Variants in ACYP2 observed in about 807,000 individuals in gnomAD.
ACYP2 encodes the protein acylphosphatase 2, also known as acylphosphatase-2.
ACYP2 carries 12 observed loss-of-function variants against 11.2 expected under a neutral mutation model. The ratio of observed to expected loss-of-function variants is 1.08; its 90% CI spans 0.69 to 1.74. ACYP2 has a LOEUF of 1.74. Among genes scored for constraint, ACYP2 ranks in the 40% most tolerant of loss-of-function variants. ACYP2 has a pLI of 0.00. For synonymous variants in ACYP2, 43 were observed against 32.2 expected (o/e 1.33, Z -1.13); for missense variants, 134 against 101.9 (o/e 1.31, Z -1.35).
At chr2:53,978,794 A>G (rs1391403874) in intron 2 of ACYP2, among the ~76,000 whole-genome samples, 6 of 152,200 alleles carry the variant, frequency 3.9e-5, no homozygotes, top group African/African-American at 1.2e-4. Flanking sequence ...ATGGTGGCAC[A>G]TTCCTGTGGT....
At chr2:53,997,874 G>T (rs975333439) in intron 2 of ACYP2, among the ~76,000 whole-genome samples, 1 of 152,152 alleles carries the variant, frequency 6.6e-6, no homozygotes, top group Admixed American at 6.5e-5. Flanking sequence ...TCACGGAAAT[G>T]AATGACCCTC....
At chr2:54,002,842 G>A (rs576520147) in intron 2 of ACYP2, among the ~76,000 whole-genome samples, 1 of 150,590 alleles carries the variant, frequency 6.6e-6, no homozygotes, top group Non-Finnish European at 1.5e-5. Flanking sequence ...GTAGAGACGG[G>A]GTTTCTCCAT....
At chr2:54,004,822 A>G (rs1336797340) in intron 2 of ACYP2, among the ~76,000 whole-genome samples, 2 of 146,576 alleles carry the variant, frequency 1.4e-5, no homozygotes, top group Non-Finnish European at 3.0e-5. Context: ...TTGAACCTGG[A>G]AGGCAGAGGT....
At chr2:54,296,565 C>T (rs565698412) in intron 6 of ACYP2, among the ~76,000 whole-genome samples, 1 of 152,162 alleles carries the variant, frequency 6.6e-6, no homozygotes, top group South Asian at 2.1e-4. Flanking sequence ...TTTTCCATTC[C>T]ATAAAAAAAT....
chr2:54,115,928 AGGACTT>A (rs1679759405), intron 4 of ACYP2, among the ~76,000 whole-genome samples, 172 bp downstream of exon 1: 1 of 150,330 alleles, frequency 6.7e-6, no homozygotes, highest in African/African-American at 2.5e-5. Flanking sequence ...CATGCGCCCG[AGGACTT>A]GGACGGGCGG....
intron 6 of ACYP2, among the ~76,000 whole-genome samples, chr2:54,264,666 A>G (rs1280610347): frequency 6.6e-6 from 1 of 152,214 alleles, no homozygotes; most frequent in African/African-American, 2.4e-5. Context: ...TTATACAGAA[A>G]CAAGTAGAAA....
chr2:54,246,616 T>C lies in ACYP2; in HGVS notation c.405-58072T>C, dbSNP rs573896603. Reference sequence around the variant, plus strand: ...TCTTGTTTACTTTTTCAATTGAATGTCATAGGGTTTTCTATATTCATCAGA... The same window carrying C: ...TCTTGTTTACTTTTTCAATTGAATGCCATAGGGTTTTCTATATTCATCAGA... On this transcript the variant is annotated intron_variant, in intron 6 of 6. Coordinates refer to ENST00000607452, the MANE Select transcript of ACYP2 (RefSeq NM_001320586.2). Among the ~76,000 whole-genome samples, 8 of 152,314 alleles carry C rather than the reference T, an allele frequency of 5.3e-5. No homozygotes were observed. The South Asian group carries it at 8.3e-4, about 16-fold the overall frequency.
intron 6 of ACYP2, among the ~76,000 whole-genome samples, chr2:54,296,158 G>A (rs888435022): frequency 6.6e-6 from 1 of 152,166 alleles, no homozygotes; most frequent in African/African-American, 2.4e-5. Flanking sequence ...AAATGTGATC[G>A]TTGACATCAT....
Position 54,304,876 on chromosome 2 carries a change from G to T in ACYP2, c.*74G>T. On this transcript the variant is annotated 3_prime_UTR_variant, in exon 7 of 7. Coordinates refer to ENST00000607452, the MANE Select transcript of ACYP2 (RefSeq NM_001320586.2). ...TAAGACTATGTATACTAGAATAATA[G>T]TAGCAGAGTAGGGTGAAAAGGAACT... The T allele has an allele frequency of 5.6e-6, 4 of 715,334 alleles. No homozygotes were observed. The highest frequency in any genetic ancestry group is 6.5e-6 in the Non-Finnish European group (3 of 464,936). The allele number at this position is 715,334 out of a possible 1,614,324, so 44.3% of individuals were successfully genotyped here.
intron 6 of ACYP2, among the ~76,000 whole-genome samples, chr2:54,209,206 C>G (rs1160018248): frequency 6.6e-6 from 1 of 152,002 alleles, no homozygotes; most frequent in Admixed American, 6.6e-5. Context: ...TTAAATAATG[C>G]ATTTTTAATA....
intron 4 of ACYP2, among the ~76,000 whole-genome samples, chr2:54,133,872 A>G (rs1012743392): frequency 1.3e-5 from 2 of 152,148 alleles, no homozygotes; most frequent in African/African-American, 4.8e-5. Context: ...ATTTGGTTCT[A>G]GACCACCCAA....
intron 2 of ACYP2, among the ~76,000 whole-genome samples, chr2:54,016,172 C>G (rs1159875538): frequency 6.6e-6 from 1 of 151,930 alleles, no homozygotes; most frequent in East Asian, 1.9e-4. Context: ...CTTTGTCTGT[C>G]TGCTCAGTTT....
At chr2:54,123,513 A>G in intron 4 of ACYP2, 1 of 398,254 alleles carries the variant, frequency 2.5e-6, no homozygotes. Context: ...AATATACAGT[A>G]GTTTTTAGTA....
chr2:54,159,942 C>G (rs1682633883), intron 6 of ACYP2, among the ~76,000 whole-genome samples: 1 of 152,190 alleles, frequency 6.6e-6, no homozygotes, highest in South Asian at 2.1e-4. Flanking sequence ...CCCACTCTTT[C>G]ATTCCCCACT....
chr2:54,028,920 A>G (rs1674437521), intron 2 of ACYP2, among the ~76,000 whole-genome samples: 1 of 152,188 alleles, frequency 6.6e-6, no homozygotes, highest in Non-Finnish European at 1.5e-5. Context: ...GAATTTTGAG[A>G]ACTGGTGGCT....
At chr2:54,264,488 A>G (rs1370409914) in intron 6 of ACYP2, among the ~76,000 whole-genome samples, 1 of 152,300 alleles carries the variant, frequency 6.6e-6, no homozygotes, top group South Asian at 2.1e-4. Context: ...GATCCTGCTC[A>G]GGGAGCTTAG....
At chr2:54,088,697 A>G (rs1027216977) in intron 4 of ACYP2, among the ~76,000 whole-genome samples, 2 of 152,364 alleles carry the variant, frequency 1.3e-5, no homozygotes, top group East Asian at 3.9e-4. Context: ...TATTCTAATT[A>G]TTGAATTGAG....
intron 6 of ACYP2, among the ~76,000 whole-genome samples, chr2:54,243,272 A>T (rs1686808075): frequency 6.6e-6 from 1 of 152,160 alleles, no homozygotes; most frequent in Non-Finnish European, 1.5e-5. Flanking sequence ...ACAAACCTAG[A>T]TGGTAGAGCC....
chr2:54,184,895 G>A (rs1030684975), intron 6 of ACYP2, among the ~76,000 whole-genome samples: 1 of 148,054 alleles, frequency 6.8e-6, no homozygotes, highest in Non-Finnish European at 1.5e-5. Flanking sequence ...CACCCAGGCT[G>A]GAGTGCAGTG....
Sources: gnomAD v4.1 joint callset for allele counts (sites outside exome capture counted in the v4.1 genomes callset) on GRCh38, gnomAD v4.1.1 for gene constraint, MANE v1.5 for transcripts, NCBI Gene and HGNC (gene_info 2026-07-23, HGNC 2026-07-21) for gene names.